GUCY1B1: variants seen among roughly 807,000 people sequenced by gnomAD.
The protein encoded by GUCY1B1 is guanylate cyclase soluble subunit beta-1.
Under a neutral mutation model 71.0 loss-of-function variants are expected in GUCY1B1, and 43 were observed. That is an observed-to-expected ratio of 0.61 (90% confidence interval 0.47 to 0.78). The LOEUF (loss-of-function observed/expected upper bound fraction) is 0.78. GUCY1B1 is among the 30% of genes least tolerant of loss of function. The pLI, the probability that GUCY1B1 is intolerant of heterozygous loss-of-function variation, is 0.00. For missense variants in GUCY1B1, 535 were observed against 754.1 expected (o/e 0.71, Z 3.40); for synonymous variants, 266 against 259.7 (o/e 1.02, Z -0.23).
chr4:155,789,897 G>C lies in GUCY1B1; in HGVS notation c.481G>C (p.Glu161Gln), dbSNP rs1208912547. 1 of 1,607,268 alleles carries C rather than the reference G, an allele frequency of 6.2e-7. No individual in the cohort carries two copies. Among genetic ancestry groups the C allele is most frequent in the South Asian group, 1.1e-5 (1 of 90,424 alleles). ...KTVAQQIHGT[E>Q]IDMKVIQQRN... ...AGTGGCACAACAAATCCATGGCACT[G>C]AAATAGACATGAAGGTAACAAACAG... The change falls in exon 5 of 14, where the codon GAA (glutamate) becomes CAA (glutamine). Residue 161 changes from glutamate (E) to glutamine (Q), a missense_variant. Glu to Gln is a conservative substitution (Grantham distance 29). Transcript: ENST00000264424.
intron 2 of GUCY1B1, chr4:155,772,634 G>A (rs1737773316): frequency 1.4e-6 from 1 of 696,574 alleles, no homozygotes; most frequent in Non-Finnish European, 2.6e-6. Flanking sequence ...CGCCCAGGCT[G>A]TTCTCAAATT....
intron 13 of GUCY1B1, among the ~76,000 whole-genome samples, chr4:155,805,433 T>C (rs1178810835): frequency 6.6e-6 from 1 of 152,174 alleles, no homozygotes; most frequent in Non-Finnish European, 1.5e-5. Context: ...TAGTGATTTT[T>C]GTCCTCTAAT....
At chr4:155,806,209 C>G (rs1740299640) in intron 13 of GUCY1B1, among the ~76,000 whole-genome samples, 177 bp from the exon 14 acceptor site, 1 of 152,144 alleles carries the variant, frequency 6.6e-6, no homozygotes, top group Non-Finnish European at 1.5e-5. Flanking sequence ...TTACCTCAAA[C>G]ATTGGTCATC....
intron 1 of GUCY1B1, 179 bp downstream of exon 1, chr4:155,759,322 C>T (rs1736786167): frequency 1.6e-6 from 1 of 612,190 alleles, no homozygotes; most frequent in Non-Finnish European, 2.8e-6. Flanking sequence ...CGCCGCGAGT[C>T]GTGGCGGGGG....
At chr4:155,762,384 T>G (rs1737056793) in intron 2 of GUCY1B1, among the ~76,000 whole-genome samples, 1 of 152,218 alleles carries the variant, frequency 6.6e-6, no homozygotes, top group African/African-American at 2.4e-5. Flanking sequence ...TTTTGGTCTT[T>G]GAGAAACTAT....
At chr4:155,770,966 C>T (rs1355270127) in intron 2 of GUCY1B1, among the ~76,000 whole-genome samples, 2 of 152,100 alleles carry the variant, frequency 1.3e-5, no homozygotes. Context: ...TTACTTGTAT[C>T]TGTCAGCTAA....
At chr4:155,767,032 T>C (rs1737383086) in intron 2 of GUCY1B1, among the ~76,000 whole-genome samples, 1 of 152,164 alleles carries the variant, frequency 6.6e-6, no homozygotes. Flanking sequence ...AATGAGAGAA[T>C]AGAGGCGTAA....
At chr4:155,780,099 G>A (rs971795968) in intron 4 of GUCY1B1, among the ~76,000 whole-genome samples, 20 of 152,224 alleles carry the variant, frequency 1.3e-4, no homozygotes, top group Non-Finnish European at 2.4e-4. Context: ...AAATGCAAAT[G>A]TCTCTCGTCG....
chr4:155,769,150 A>AGGG lies in GUCY1B1; in HGVS notation c.78-5818_78-5817insGGG, dbSNP rs1561003306. Among the ~76,000 whole-genome samples, 3 of 152,070 alleles carry AGGG rather than the reference A, an allele frequency of 2.0e-5. No individual in the cohort carries two copies. In the South Asian group the frequency reaches 6.2e-4, roughly 32 times the overall value. ...AGAAGTACTACCCTGAGATTTTTGC[A>AGGG]TAGGTTAATTCTGCTAACCAACACA... On this transcript the variant is annotated intron_variant, in intron 2 of 13. Transcript: ENST00000264424.
At chr4:155,805,252 T>G (rs773507410) in intron 13 of GUCY1B1, 23 bp downstream of exon 13, 1 of 1,593,952 alleles carries the variant, frequency 6.3e-7, no homozygotes, top group South Asian at 1.1e-5. Context: ...AAAGTGTAAT[T>G]TGCGTACTTA....
At chr4:155,772,860 G>A in intron 2 of GUCY1B1, 1 of 695,826 alleles carries the variant, frequency 1.4e-6, no homozygotes, top group Non-Finnish European at 2.6e-6. Context: ...ATAAATGCAG[G>A]CAAATAAATT....
chr4:155,780,545 G>A (rs1738346559), intron 4 of GUCY1B1, among the ~76,000 whole-genome samples: 1 of 152,138 alleles, frequency 6.6e-6, no homozygotes, highest in East Asian at 1.9e-4. Flanking sequence ...GGAAGCCAGA[G>A]ATCATGTATA....
chr4:155,759,326 G>C (rs1288419193), intron 1 of GUCY1B1, 183 bp downstream of exon 1: 1 of 603,892 alleles, frequency 1.7e-6, no homozygotes, highest in Non-Finnish European at 2.8e-6. Context: ...GCGAGTCGTG[G>C]CGGGGGCGAT....
chr4:155,787,944 C>G (rs1309747454), intron 4 of GUCY1B1, among the ~76,000 whole-genome samples: 1 of 152,134 alleles, frequency 6.6e-6, no homozygotes, highest in Non-Finnish European at 1.5e-5. Flanking sequence ...TAGGTATGTT[C>G]TTTTATGCCC....
At chr4:155,786,628 C>T (rs892893498) in intron 4 of GUCY1B1, among the ~76,000 whole-genome samples, 15 of 151,836 alleles carry the variant, frequency 9.9e-5, no homozygotes, top group Non-Finnish European at 1.9e-4. Context: ...CACCGCCACA[C>T]CCTGCTAATT....
intron 7 of GUCY1B1, 63 bp downstream of exon 7, chr4:155,795,520 G>A (rs1338232871): frequency 3.9e-6 from 3 of 775,586 alleles, no homozygotes; most frequent in East Asian, 2.5e-5. Flanking sequence ...AGTATTCAGG[G>A]GGGAAAATTA....
At chr4:155,768,699 A>G (rs1001196875) in intron 2 of GUCY1B1, among the ~76,000 whole-genome samples, 1 of 152,116 alleles carries the variant, frequency 6.6e-6, no homozygotes, top group African/African-American at 2.4e-5. Context: ...GGTAATTAGT[A>G]TAAATAAAGG....
intron 2 of GUCY1B1, among the ~76,000 whole-genome samples, chr4:155,774,759 T>C (rs1737926250): frequency 6.6e-6 from 1 of 152,198 alleles, no homozygotes; most frequent in African/African-American, 2.4e-5. Flanking sequence ...TACTTAAATA[T>C]ATCATTTTAA....
intron 2 of GUCY1B1, among the ~76,000 whole-genome samples, chr4:155,760,574 C>T (rs1471763689): frequency 1.3e-5 from 2 of 152,024 alleles, no homozygotes; most frequent in African/African-American, 4.8e-5. Flanking sequence ...GAGTTTAAAC[C>T]TGTTGGAATG....
Sources: allele counts gnomAD v4.1 joint callset (sites outside exome capture counted in the v4.1 genomes callset), GRCh38; gene constraint gnomAD v4.1.1; transcripts MANE v1.5; gene names NCBI Gene and HGNC (gene_info 2026-07-23, HGNC 2026-07-21).